F8: variants seen among roughly 807,000 people sequenced by gnomAD.
F8 encodes antihemophilic factor.
A neutral mutation model predicts 140.6 loss-of-function variants in F8; 12 were observed. The observed-to-expected ratio is 0.09, with a 90% CI of 0.05 to 0.14. The LOEUF (loss-of-function observed/expected upper bound fraction) is 0.14, where lower values mean the gene tolerates loss of function less well. F8 is among the 10% of genes least tolerant of loss of function. F8 has a pLI of 1.00. For synonymous variants in F8, 585 were observed against 614.6 expected, an observed-to-expected ratio of 0.95 and a Z score of 0.71; for missense variants, 1,354 against 1,720.7, an observed-to-expected ratio of 0.79 and a Z score of 3.77.
intron 25 of F8, among the ~76,000 whole-genome samples, chrX:154,855,767 C>T (rs2072646872): frequency 9.0e-6 from 1 of 110,907 alleles, no homozygotes; most frequent in Non-Finnish European, 1.9e-5. Flanking sequence ...CCTACCACCC[C>T]TCTTTGTTAT....
rs1557278644 is a variant in F8, at chrX:154,930,341, G to T, written c.3449C>A (p.Ser1150Tyr). 8.3e-7 allele frequency: 1 copy of T among 1,210,514 alleles called. No individual in the cohort carries two copies. Among genetic ancestry groups the T allele is most frequent in the Admixed American group, 2.2e-5 (1 of 45,959 alleles). ...TTCCACAGATTTTTCTGGTCCTAAG[G>T]ATACTAATTGCTTTGGACTGGGGCC... ...GQGPSPKQLV[S>Y]LGPEKSVEGQ... Residue 1150 changes from serine (S) to tyrosine (Y), a missense_variant, in exon 14 of 26, where the codon TCC becomes TAC. Transcript: ENST00000360256.
chrX:154,942,010 C>T (rs1436509548), intron 13 of F8, among the ~76,000 whole-genome samples: 1 of 104,507 alleles, frequency 9.6e-6, no homozygotes, highest in Admixed American at 1.0e-4. Flanking sequence ...GGGACACATT[C>T]AAAGCAGTGT....
intron 22 of F8, among the ~76,000 whole-genome samples, chrX:154,869,779 CA>C (rs1439421230): frequency 9.0e-6 from 1 of 110,741 alleles, no homozygotes; most frequent in Non-Finnish European, 1.9e-5. Context: ...AAAAAATCAA[CA>C]AAATAGATAG....
At position 154,929,675 on chromosome X, in the gene F8, G is replaced by A. The variant is rs781829874; in HGVS notation, c.4115C>T (p.Thr1372Ile). The A allele has an allele frequency of 2.5e-6, 3 of 1,209,686 alleles. No individual in the cohort carries two copies. The highest frequency in any genetic ancestry group is 3.4e-6 in the Non-Finnish European group (3 of 894,377). The part of the protein sequence containing the change: ...NMKHLTPSTL[T>I]QIDYNEKEKG... The stretch of plus-strand genomic sequence containing the variant: ...CTCCTTCTCATTGTAGTCTATCTGT[G>A]TGAGGGTGCTCGGGGTCAAATGTTT... The change falls in exon 14 of 26, where the codon ACA becomes ATA. Residue 1372 changes from threonine to isoleucine, a missense_variant. Around this residue, in one of 4 missense-constraint regions of F8, gnomAD observed 658 missense variants for 666.5 expected, o/e 0.99. Transcript: ENST00000360256.
In F8 at chrX:154,876,175, C is replaced by A. The variant is rs781801462; in HGVS notation, c.6430-12948G>T. ...CGCTCTGTCGCCCAGGCTGGAGTGC[C>A]GTGGCGCGATCTCGGCTCACTGCAA... On this transcript the variant is annotated intron_variant, in intron 22 of 25. Transcript: ENST00000360256. 1.7e-3 allele frequency among the ~76,000 whole-genome samples: 174 copies of A among 101,827 alleles called. 1 individual carries two copies. The highest frequency in any genetic ancestry group is 0.015 in the South Asian group (31 of 2,134). The allele number at this position is 101,827 out of a possible 115,157, so 88.4% of individuals were successfully genotyped here. A position where few individuals can be genotyped will look rare whatever the true frequency, so the allele number is the denominator to read the frequency against.
intron 25 of F8, among the ~76,000 whole-genome samples, chrX:154,850,987 C>T (rs2072611315): frequency 8.9e-6 from 1 of 112,131 alleles, no homozygotes; most frequent in Admixed American, 9.4e-5. Context: ...ATAGCCATCA[C>T]CACTATCTAG....
intron 1 of F8, among the ~76,000 whole-genome samples, chrX:155,011,517 A>T (rs1191247161): frequency 1.8e-5 from 2 of 112,758 alleles, no homozygotes; most frequent in African/African-American, 6.4e-5. Context: ...AGTTAAACAT[A>T]GAATTACCAT....
intron 25 of F8, among the ~76,000 whole-genome samples, chrX:154,845,944 T>C (rs5986888): frequency 0.013 from 1,431 of 112,111 alleles, 24 homozygotes; most frequent in African/African-American, 0.044. Flanking sequence ...CTATAAATTT[T>C]CCTCTACACA....
chrX:154,930,187 T>A lies in F8; in HGVS notation c.3603A>T (p.Leu1201Phe), dbSNP rs782048928. 1 of 1,208,296 alleles carries A rather than the reference T, an allele frequency of 8.3e-7. No individual in the cohort carries two copies. Residue 1201 changes from leucine to phenylalanine, a missense_variant, in exon 14 of 26, where the codon TTA becomes TTT. Physicochemically the swap from Leu to Phe is conservative, Grantham distance 22. Around this residue, in one of 4 missense-constraint regions of F8, gnomAD observed 658 missense variants for 666.5 expected, o/e 0.99. Transcript: ENST00000360256. ...RNLFLTNLDNLHENNTHNQEK... is the reference protein window; with the variant it reads ...RNLFLTNLDNFHENNTHNQEK... Reference sequence around the variant, plus strand: ...CTTGATTGTGTGTATTATTTTCATGTAAATTATCCAAGTTAGTAAGAAATA... The same window carrying A: ...CTTGATTGTGTGTATTATTTTCATGAAAATTATCCAAGTTAGTAAGAAATA...
chrX:154,912,106 C>G (rs2073071791), intron 14 of F8, among the ~76,000 whole-genome samples: 1 of 112,162 alleles, frequency 8.9e-6, no homozygotes, highest in Non-Finnish European at 1.9e-5. Flanking sequence ...TTAATACCCT[C>G]TCAGTTGTAT....
chrX:154,848,395 C>T, intron 25 of F8, among the ~76,000 whole-genome samples: 1 of 113,038 alleles, frequency 8.8e-6, no homozygotes, highest in East Asian at 2.8e-4. Context: ...GTGGAGCGTA[C>T]AGAGGCAGGC....
In F8 at chrX:154,936,994, C is replaced by T. The variant is rs377209948; in HGVS notation, c.2114-5318G>A. Among the ~76,000 whole-genome samples, 106 of 110,782 alleles carry T rather than the reference C, an allele frequency of 9.6e-4. 1 individual carries two copies. The South Asian group carries it at 0.024, about 25-fold the overall frequency. On this transcript the variant is annotated intron_variant, in intron 13 of 25. Coordinates refer to ENST00000360256, the MANE Select transcript of F8 (RefSeq NM_000132.4). ...TAACTATGAATAAAACAAGAAATAA[C>T]GTAAAATTTATAAAATATTTTAAAC...
intron 1 of F8, among the ~76,000 whole-genome samples, chrX:155,001,146 C>A (rs2073644086): frequency 9.0e-6 from 1 of 110,798 alleles, no homozygotes; most frequent in Non-Finnish European, 1.9e-5. Flanking sequence ...ATCATTCATT[C>A]TTGTAAGAAA....
At chrX:154,905,559 T>G (rs2073033966) in intron 15 of F8, among the ~76,000 whole-genome samples, 1 of 111,696 alleles carries the variant, frequency 9.0e-6, no homozygotes, top group South Asian at 3.7e-4. Context: ...ATAGATATTT[T>G]CAGAAAAAAA....
chrX:154,859,929 T>C (rs1380104791), intron 25 of F8, among the ~76,000 whole-genome samples: 1 of 111,535 alleles, frequency 9.0e-6, no homozygotes, highest in Non-Finnish European at 1.9e-5. Context: ...TTTCTTAGTA[T>C]GGATGGAGCT....
At chrX:154,995,397 T>C (rs1557285014) in intron 3 of F8, among the ~76,000 whole-genome samples, 1 of 111,795 alleles carries the variant, frequency 8.9e-6, no homozygotes, top group East Asian at 2.8e-4. Flanking sequence ...TTCAGTGTGA[T>C]TGCGTGATTT....
Position 154,928,872 on chromosome X carries a change from C to T in F8, c.4918G>A (p.Glu1640Lys), listed in dbSNP as rs782685294. The change falls in exon 14 of 26, where the codon GAA becomes AAA. Residue 1640 changes from glutamate to lysine, a missense_variant. Physicochemically the swap from Glu to Lys is moderately conservative, Grantham distance 56. Around this residue, in one of 4 missense-constraint regions of F8, gnomAD observed 658 missense variants for 666.5 expected, o/e 0.99. Coordinates refer to ENST00000360256, the MANE Select transcript of F8 (RefSeq NM_000132.4). ...TGCTTTGCCCAGGTGACTTCTATTT[C>T]GGGCTTATTTTGTCCCTCATTTATT... is the stretch of plus-strand genomic sequence containing the variant. Reference protein sequence around the residue: ...AAINEGQNKPEIEVTWAKQGR... With the variant: ...AAINEGQNKPKIEVTWAKQGR... 11 of 1,209,978 alleles carry T rather than the reference C, an allele frequency of 9.1e-6. No individual in the cohort carries two copies. The highest frequency in any genetic ancestry group is 8.9e-5 in the East Asian group (3 of 33,784).
chrX:154,979,167 T>C (rs1008169073), intron 6 of F8, among the ~76,000 whole-genome samples: 4 of 112,070 alleles, frequency 3.6e-5, no homozygotes, highest in African/African-American at 9.8e-5. Context: ...ATGGCAATCA[T>C]AGCAATGAAA....
intron 9 of F8, among the ~76,000 whole-genome samples, chrX:154,962,480 G>A (rs1302520013): frequency 1.8e-5 from 2 of 112,191 alleles, no homozygotes; most frequent in Non-Finnish European, 3.8e-5. Flanking sequence ...TGTTTCAGGA[G>A]ATAAAATCTT....
Sources: gnomAD v4.1 joint callset for allele counts (sites outside exome capture counted in the v4.1 genomes callset) on GRCh38, gnomAD v4.1.1 for gene constraint, gnomAD v4.1.1 regional missense constraint, MANE v1.5 for transcripts, NCBI Gene and HGNC (gene_info 2026-07-23, HGNC 2026-07-21) for gene names.